The following PTGIR variants were observed in gnomAD, a reference collection of about 807,000 sequenced individuals.
PTGIR encodes the protein prostaglandin I2 receptor.
PTGIR carries 16 observed loss-of-function variants against 17.6 expected under a neutral mutation model. The ratio of observed to expected loss-of-function variants is 0.91; its 90% CI spans 0.61 to 1.38. The LOEUF (loss-of-function observed/expected upper bound fraction) is 1.38, where lower values mean the gene tolerates loss of function less well. Ranked by LOEUF, PTGIR falls within the 40% of genes most tolerant of loss-of-function variation. The pLI is 0.00. For synonymous variants in PTGIR, 274 were observed against 255.4 expected, an observed-to-expected ratio of 1.07 and a Z score of -0.69; for missense variants, 532 against 548.6, an observed-to-expected ratio of 0.97 and a Z score of 0.30.
downstream of PTGIR, among the ~76,000 whole-genome samples, chr19:46,619,930 A>G (rs73940734): frequency 0.091 from 13,902 of 151,954 alleles, 969 homozygotes; most frequent in East Asian, 0.31. Context: ...TTCCATGCTC[A>G]TCAGCTCACT....
chr19:46,623,778 A>G lies in PTGIR; in HGVS notation c.448T>C (p.Phe150Leu), dbSNP rs1405755142. ...LPAIYAFCVL[F>L]CALPLLGLGQ... ...AGGCCCAGCAGGGGCAGCGCGCAGA[A>G]GAGGACGCAGAAGGCGTAGATGGCT... The change falls in exon 2 of 3, where the codon TTC becomes CTC. Residue 150 changes from phenylalanine to leucine, a missense_variant. Phe to Leu is a conservative substitution (Grantham distance 22). Transcript: ENST00000291294. 2 of 1,606,242 alleles carry G rather than the reference A, an allele frequency of 1.2e-6. No homozygotes were observed. The highest frequency in any genetic ancestry group is 1.7e-5 in the Admixed American group (1 of 59,744).
At position 46,623,796 on chromosome 19, in the gene PTGIR, A is replaced by G. The variant is rs1044504721; in HGVS notation, c.430T>C (p.Tyr144His). 1 of 1,608,598 alleles carries G rather than the reference A, an allele frequency of 6.2e-7. No individual in the cohort carries two copies. ...RCARLALPAI[Y>H]AFCVLFCALP... Reference sequence around the variant, plus strand: ...GCGCAGAAGAGGACGCAGAAGGCGTAGATGGCTGGCAGCGCCAGGCGGGCG... The same window carrying G: ...GCGCAGAAGAGGACGCAGAAGGCGTGGATGGCTGGCAGCGCCAGGCGGGCG... The change falls in exon 2 of 3, where the codon TAC (tyrosine) becomes CAC (histidine). Residue 144 changes from tyrosine to histidine, a missense_variant. By Grantham distance (83) the Tyr-to-His change is moderately conservative. Coordinates refer to ENST00000291294, the MANE Select transcript of PTGIR (RefSeq NM_000960.4).
At chr19:46,613,598 C>T in the PTGIR span, among the ~76,000 whole-genome samples, 1 of 152,138 alleles carries the variant, frequency 6.6e-6, no homozygotes, top group African/African-American at 2.4e-5. Context: ...TCCCAAAGTA[C>T]TAGGATTACA....
In PTGIR at chr19:46,623,769, G is replaced by T; in HGVS notation, c.457C>A (p.Leu153Met). Residue 153 changes from leucine (L) to methionine (M), a missense_variant, in exon 2 of 3, where the codon CTG (leucine) becomes ATG (methionine). By Grantham distance (15) the Leu-to-Met change is conservative. Coordinates refer to ENST00000291294, the MANE Select transcript of PTGIR (RefSeq NM_000960.4). ...TGTTGGCCCAGGCCCAGCAGGGGCA[G>T]CGCGCAGAAGAGGACGCAGAAGGCG... ...IYAFCVLFCA[L>M]PLLGLGQHQQ... 2 of 1,604,064 alleles carry T rather than the reference G, an allele frequency of 1.2e-6. No individual in the cohort carries two copies. The highest frequency in any genetic ancestry group is 1.7e-6 in the Non-Finnish European group (2 of 1,177,572).
At chr19:46,614,529 G>A in the PTGIR span, 2 of 653,380 alleles carry the variant, frequency 3.1e-6, no homozygotes, top group Non-Finnish European at 3.8e-6. Context: ...TAGGGCAGGC[G>A]CCTAGAGCAG....
chr19:46,624,032 C>A lies in PTGIR; in HGVS notation c.194G>T (p.Ser65Ile). ...GLAATDLLGT[S>I]FLSPAVFVAY... The stretch of plus-strand genomic sequence containing the variant: ...CACGAACACGGCCGGGCTCAGGAAG[C>A]TGGTGCCCAGCAGGTCGGTGGCCGC... The change falls in exon 2 of 3, where the codon AGC (serine) becomes ATC (isoleucine). Residue 65 changes from serine to isoleucine, a missense_variant. Coordinates refer to ENST00000291294, the MANE Select transcript of PTGIR (RefSeq NM_000960.4). 6.5e-7 allele frequency: 1 copy of A among 1,540,172 alleles called. No homozygotes were observed. Among genetic ancestry groups the A allele is most frequent in the Non-Finnish European group, 8.7e-7 (1 of 1,143,404 alleles).
the PTGIR span, among the ~76,000 whole-genome samples, chr19:46,611,193 GGAC>G: frequency 2.0e-5 from 3 of 152,132 alleles, no homozygotes; most frequent in Non-Finnish European, 4.4e-5. Context: ...CAGTTCGGGG[GGAC>G]GACATGTATG....
the PTGIR span, among the ~76,000 whole-genome samples, chr19:46,612,743 C>T: frequency 6.6e-6 from 1 of 152,120 alleles, no homozygotes; most frequent in African/African-American, 2.4e-5. Context: ...GGGAGCTGCC[C>T]CCTTAGCAGT....
intron 1 of PTGIR, chr19:46,624,523 C>T (rs978864345): frequency 2.1e-5 from 6 of 290,778 alleles, no homozygotes; most frequent in Non-Finnish European, 3.8e-5. Context: ...GGCATGATCT[C>T]GGCTCACTGC....
chr19:46,623,717 C>G lies in PTGIR; in HGVS notation c.509G>C (p.Cys170Ser). ...CTGGGCCCAGCGCATGCGGAGGAAG[C>G]ACCAGCTGCCGGGGCAGTACTGCTG... is the stretch of plus-strand genomic sequence containing the variant. ...QHQQYCPGSW[C>S]FLRMRWAQPG... The change falls in exon 2 of 3, where the codon TGC becomes TCC. Residue 170 changes from cysteine to serine, a missense_variant. Cys to Ser is a moderately radical substitution (Grantham distance 112, BLOSUM62 -1). Transcript: ENST00000291294. 10 of 1,583,370 alleles carry G rather than the reference C, an allele frequency of 6.3e-6. No individual in the cohort carries two copies. Among genetic ancestry groups the G allele is most frequent in the Non-Finnish European group, 8.6e-6 (10 of 1,168,594 alleles).
downstream of PTGIR, among the ~76,000 whole-genome samples, chr19:46,620,147 C>T (rs1033703149): frequency 1.3e-5 from 2 of 152,160 alleles, no homozygotes; most frequent in African/African-American, 4.8e-5. Flanking sequence ...AGTGTCACTC[C>T]GTCACCCAGT....
At chr19:46,611,170 C>A in the PTGIR span, among the ~76,000 whole-genome samples, 3,318 of 148,982 alleles carry the variant, frequency 0.022, 110 homozygotes, top group African/African-American at 0.076. Flanking sequence ...AGGGGAAGGA[C>A]GGAAGGGCAT....
At position 46,623,986 on chromosome 19, in the gene PTGIR, G is replaced by A. The variant is rs984045567; in HGVS notation, c.240C>T (p.Ser80=). The A allele has an allele frequency of 1.9e-6, 3 of 1,564,228 alleles. No individual in the cohort carries two copies. The highest frequency in any genetic ancestry group is 3.8e-5 in the Admixed American group (2 of 53,256). ...GGCCGCCTCGGGCCAGGCCCAGCAG[G>A]GAGCTGTTGCGCGCATAGGCCACGA... ...AVFVAYARNS[S]LLGLARGGPA... is the part of the protein sequence containing the mutation. The change falls in exon 2 of 3, where the codon TCC becomes TCT. Residue 80 remains serine (S), a synonymous_variant. Transcript: ENST00000291294.
Position 46,621,697 on chromosome 19 carries a change from G to A in PTGIR, c.769-25C>T. The A allele has an allele frequency of 1.9e-6, 3 of 1,586,936 alleles. No individual in the cohort carries two copies. The highest frequency in any genetic ancestry group is 2.6e-6 in the Non-Finnish European group (3 of 1,163,996). On this transcript the variant is annotated intron_variant, in intron 2 of 2. Transcript: ENST00000291294. The surrounding 1 kb of genome is among the most constrained non-coding windows in gnomAD (Gnocchi z 4.8). ...TCTGAGGGCAGGGTGAGGGCGTCAA[G>A]GAGCACCCAGGAGTCCTCAGCCTCC... is the stretch of plus-strand genomic sequence containing the variant.
At position 46,624,532 on chromosome 19, in the gene PTGIR, G is replaced by A. The variant is rs911245998; in HGVS notation, c.-12-295C>T. The A allele has an allele frequency of 1.8e-5, 5 of 271,442 alleles. No individual in the cohort carries two copies. In the Middle Eastern group the frequency reaches 3.1e-3, roughly 167 times the overall value. The allele number at this position is 271,442 out of a possible 1,614,324, so 16.8% of individuals were successfully genotyped here. ...AGCAATGGCATGATCTCGGCTCACT[G>A]CAACCTCCACCTCCTGGGTTCAAGC... On this transcript the variant is annotated intron_variant, in intron 1 of 2. Coordinates refer to ENST00000291294, the MANE Select transcript of PTGIR (RefSeq NM_000960.4).
the PTGIR span, among the ~76,000 whole-genome samples, chr19:46,613,593 A>G: frequency 6.6e-6 from 1 of 151,998 alleles, no homozygotes; most frequent in Non-Finnish European, 1.5e-5. Flanking sequence ...CGGCCTCCCA[A>G]AGTACTAGGA....
the PTGIR span, among the ~76,000 whole-genome samples, chr19:46,613,057 T>TTTTG: frequency 1.1e-5 from 1 of 93,456 alleles, no homozygotes; most frequent in Non-Finnish European, 2.0e-5. Context: ...TTTTTTTTTT[T>TTTTG]TTTGAGATGG....
rs2052766895 is a variant in PTGIR, at chr19:46,623,938, G to C, written c.288C>G (p.Ala96=). ...RGGPALCDAF[A]FAMTFFGLAS... ...CCAGGCCGAAGAAGGTCATGGCGAA[G>C]GCGAAGGCATCGCACAGGGCGGGGC... The change falls in exon 2 of 3, where the codon GCC becomes GCG. Residue 96 remains alanine, a synonymous_variant. Coordinates refer to ENST00000291294, the MANE Select transcript of PTGIR (RefSeq NM_000960.4). 1 of 1,598,450 alleles carries C rather than the reference G, an allele frequency of 6.3e-7. No individual in the cohort carries two copies. The highest frequency in any genetic ancestry group is 8.5e-7 in the Non-Finnish European group (1 of 1,171,916).
chr19:46,614,467 C>A, the PTGIR span: 29 of 976,110 alleles, frequency 3.0e-5, no homozygotes, highest in Non-Finnish European at 3.4e-5. Context: ...TGAATCAAGT[C>A]CCCTTGAGTC....
Sources: gnomAD v4.1 joint callset for allele counts (sites outside exome capture counted in the v4.1 genomes callset) on GRCh38, gnomAD v4.1.1 for gene constraint, Gnocchi (gnomAD v3.1) non-coding constraint, MANE v1.5 for transcripts, NCBI Gene and HGNC (gene_info 2026-07-23, HGNC 2026-07-21) for gene names.